The following NALF1 variants were observed in gnomAD, a reference collection of about 807,000 sequenced individuals.
The protein encoded by NALF1 is family with sequence similarity 155 member A.
A neutral mutation model predicts 48.4 loss-of-function variants in NALF1; 3 were observed. The observed-to-expected ratio is 0.06, with a 90% CI of 0.03 to 0.16. The LOEUF is 0.16. Ranked by LOEUF, NALF1 falls within the 10% of genes least tolerant of loss-of-function variation. NALF1 has a pLI of 1.00. For synonymous variants in NALF1, 262 were observed against 245.7 expected, an observed-to-expected ratio of 1.07 and a Z score of -0.62; for missense variants, 526 against 571.5, an observed-to-expected ratio of 0.92 and a Z score of 0.81.
At chr13:107,822,990 G>A (rs1014148275) in intron 1 of NALF1, among the ~76,000 whole-genome samples, 1 of 152,104 alleles carries the variant, frequency 6.6e-6, no homozygotes, top group South Asian at 2.1e-4. Context: ...AAAAATAATC[G>A]GGTACTGCTG....
intron 1 of NALF1, among the ~76,000 whole-genome samples, chr13:107,811,971 A>G (rs1015091512): frequency 1.2e-4 from 18 of 152,208 alleles, no homozygotes; most frequent in African/African-American, 4.3e-4. Flanking sequence ...GAAGTTTATC[A>G]TAACAGTTAA....
chr13:107,712,458 G>A (rs966110491), intron 1 of NALF1, among the ~76,000 whole-genome samples: 2 of 152,320 alleles, frequency 1.3e-5, no homozygotes, highest in Admixed American at 6.5e-5. Flanking sequence ...AATTTTGAGA[G>A]ACTGAATTAA....
In NALF1 at chr13:107,325,598, G is replaced by A. The variant is rs188856225; in HGVS notation, c.916-114843C>T. ...CACGCCTGTAATCCCAGCATGTTGG[G>A]AGGCTGAGGCGGGTAGATCACTTGA... On this transcript the variant is annotated intron_variant, in intron 1 of 2. Coordinates refer to ENST00000375915, the MANE Select transcript of NALF1 (RefSeq NM_001080396.3). Among the ~76,000 whole-genome samples, 176 of 152,118 alleles carry A rather than the reference G, an allele frequency of 1.2e-3. 2 individuals carry two copies. The highest frequency in any genetic ancestry group is 2.2e-3 in the Admixed American group (33 of 15,264).
At chr13:107,518,852 T>G in intron 1 of NALF1, among the ~76,000 whole-genome samples, 1 of 152,138 alleles carries the variant, frequency 6.6e-6, no homozygotes, top group East Asian at 1.9e-4. Flanking sequence ...GAAGTAGAAC[T>G]GAACGAGATA....
At chr13:107,350,218 AAC>A (rs1882849413) in intron 1 of NALF1, among the ~76,000 whole-genome samples, 1 of 152,174 alleles carries the variant, frequency 6.6e-6, no homozygotes, top group African/African-American at 2.4e-5. Context: ...TTGTACGTAA[AAC>A]AGTTCTGTGC....
At chr13:107,507,415 GC>G (rs1481239084) in intron 1 of NALF1, among the ~76,000 whole-genome samples, 2 of 151,588 alleles carry the variant, frequency 1.3e-5, no homozygotes, top group African/African-American at 4.8e-5. Context: ...TTATATGGTA[GC>G]TTTTTTTTGT....
At chr13:107,737,059 C>A (rs990479583) in intron 1 of NALF1, among the ~76,000 whole-genome samples, 1 of 152,196 alleles carries the variant, frequency 6.6e-6, no homozygotes, top group Non-Finnish European at 1.5e-5. Flanking sequence ...CAGCTGAGAA[C>A]CACATCAACT....
intron 1 of NALF1, among the ~76,000 whole-genome samples, chr13:107,638,187 T>A (rs199750441): frequency 0.021 from 1,119 of 52,622 alleles, 28 homozygotes; most frequent in East Asian, 0.13. Context: ...ATATAAAGAT[T>A]TATATATATA....
At chr13:107,631,876 C>T (rs9520527) in intron 1 of NALF1, among the ~76,000 whole-genome samples, 37,118 of 151,998 alleles carry the variant, frequency 0.24, 5,123 homozygotes, top group East Asian at 0.48. Context: ...AGTTAAGCCA[C>T]ATAATTCTCT....
Position 107,394,798 on chromosome 13 carries a change from G to A in NALF1, c.916-184043C>T, listed in dbSNP as rs374395744. On this transcript the variant is annotated intron_variant, in intron 1 of 2. Transcript: ENST00000375915. ...AGAAATATATGGATCATGTTGAGTG[G>A]ATGCTAGCAGCCAAAAGATGGCCTG... 3.3e-5 allele frequency among the ~76,000 whole-genome samples: 5 copies of A among 152,096 alleles called. No homozygotes were observed. In the East Asian group the frequency reaches 9.6e-4, roughly 29 times the overall value.
intron 1 of NALF1, among the ~76,000 whole-genome samples, chr13:107,834,114 G>A (rs1879821619): frequency 6.6e-6 from 1 of 152,122 alleles, no homozygotes; most frequent in East Asian, 1.9e-4. Flanking sequence ...CTAATTACTA[G>A]TTATATAGCA....
intron 1 of NALF1, among the ~76,000 whole-genome samples, chr13:107,291,454 A>G (rs1338342537): frequency 6.6e-6 from 1 of 150,666 alleles, no homozygotes; most frequent in East Asian, 2.0e-4. Context: ...CCAAGGGGAA[A>G]GTAAAATTAC....
chr13:107,298,027 T>A (rs1881757441), intron 1 of NALF1, among the ~76,000 whole-genome samples: 1 of 152,112 alleles, frequency 6.6e-6, no homozygotes, highest in African/African-American at 2.4e-5. Flanking sequence ...CAAAACCATT[T>A]CAATATTTTT....
At chr13:107,706,921 T>TC (rs1184209106) in intron 1 of NALF1, among the ~76,000 whole-genome samples, 1 of 134,954 alleles carries the variant, frequency 7.4e-6, no homozygotes, top group African/African-American at 2.8e-5. Flanking sequence ...GGGCATTCTT[T>TC]TTTTTTTTTT....
chr13:107,303,668 A>C (rs1438122282), intron 1 of NALF1, among the ~76,000 whole-genome samples: 14 of 152,308 alleles, frequency 9.2e-5, no homozygotes, highest in Non-Finnish European at 1.9e-4. Flanking sequence ...TTCCTGTGAC[A>C]CAATTACATA....
At position 107,728,878 on chromosome 13, in the gene NALF1, G is replaced by C. The variant is rs568868900; in HGVS notation, c.915+136804C>G. 3.9e-5 allele frequency among the ~76,000 whole-genome samples: 6 copies of C among 152,146 alleles called. No homozygotes were observed. In the South Asian group the frequency reaches 1.0e-3, roughly 26 times the overall value. On this transcript the variant is annotated intron_variant, in intron 1 of 2. Transcript: ENST00000375915. Reference sequence around the variant, plus strand: ...GCAAGATAAAGGCTCATAGCCAATAGGTCAAAAAGACATCTGCTGAACTAG... The same window carrying C: ...GCAAGATAAAGGCTCATAGCCAATACGTCAAAAAGACATCTGCTGAACTAG...
intron 1 of NALF1, among the ~76,000 whole-genome samples, chr13:107,791,923 G>A (rs1457769006): frequency 6.6e-6 from 1 of 152,120 alleles, no homozygotes; most frequent in Non-Finnish European, 1.5e-5. Flanking sequence ...TCAAACCATT[G>A]TGCTCCAGCC....
chr13:107,456,946 A>C (rs963973403), intron 1 of NALF1, among the ~76,000 whole-genome samples: 1 of 152,162 alleles, frequency 6.6e-6, no homozygotes, highest in Non-Finnish European at 1.5e-5. Flanking sequence ...TATTTAGCTC[A>C]TGAGCTTTAA....
intron 1 of NALF1, among the ~76,000 whole-genome samples, chr13:107,816,358 C>T (rs894941633): frequency 1.3e-5 from 2 of 152,114 alleles, no homozygotes; most frequent in Non-Finnish European, 2.9e-5. Context: ...CACAGGTCCA[C>T]GTGGCTGGGG....
Sources: gnomAD v4.1 joint callset for allele counts (sites outside exome capture counted in the v4.1 genomes callset) on GRCh38, gnomAD v4.1.1 for gene constraint, MANE v1.5 for transcripts, NCBI Gene and HGNC (gene_info 2026-07-23, HGNC 2026-07-21) for gene names.